Variants in LRBA observed in about 807,000 individuals in gnomAD.
LRBA encodes LPS responsive beige-like anchor protein.
A neutral mutation model predicts 330.0 loss-of-function variants in LRBA; 176 were observed. The observed-to-expected ratio is 0.53, with a 90% CI of 0.47 to 0.60. LRBA has a LOEUF of 0.60. Ranked by LOEUF, LRBA falls within the 20% of genes least tolerant of loss-of-function variation. LRBA has a pLI of 0.00. For synonymous variants in LRBA, 1,230 were observed against 1,193.0 expected (o/e 1.03, Z -0.64); for missense variants, 3,259 against 3,444.8 (o/e 0.95, Z 1.35).
intron 7 of LRBA, 130 bp downstream of exon 7, chr4:150,916,271 G>C: frequency 1.2e-6 from 1 of 837,538 alleles, no homozygotes; most frequent in South Asian, 2.0e-5. Context: ...AGTGATTTAC[G>C]CTTCATCTTT....
chr4:150,426,434 T>C (rs1295220018), intron 46 of LRBA, among the ~76,000 whole-genome samples: 1 of 151,980 alleles, frequency 6.6e-6, no homozygotes, highest in Non-Finnish European at 1.5e-5. Flanking sequence ...GAAAAAATAA[T>C]TGGGTTTAAG....
Position 150,583,008 on chromosome 4 carries a change from T to C in LRBA, c.6330+5040A>G, listed in dbSNP as rs1771595657. On this transcript the variant is annotated intron_variant, in intron 40 of 56. Transcript: ENST00000651943. The surrounding 1 kb of genome is among the most constrained non-coding windows in gnomAD (Gnocchi z 9.8). ...CAACGTATTGCGAGACGCCGGTGTA[T>C]AGCCCGGACCTGTGCCCCAACATGA... The C allele has an allele frequency of 6.4e-7, 1 of 1,558,584 alleles. No individual in the cohort carries two copies. The highest frequency in any genetic ancestry group is 8.7e-7 in the Non-Finnish European group (1 of 1,151,990).
chr4:150,541,134 T>C (rs1168145970), intron 40 of LRBA, among the ~76,000 whole-genome samples: 1 of 152,178 alleles, frequency 6.6e-6, no homozygotes, highest in African/African-American at 2.4e-5. Context: ...ATGGCTCAAA[T>C]AGTATAAAGG....
At chr4:150,401,260 T>G (rs1419205755) in intron 47 of LRBA, among the ~76,000 whole-genome samples, 2 of 152,230 alleles carry the variant, frequency 1.3e-5, no homozygotes. Context: ...TCCAGTACTG[T>G]CAGACAATAA....
intron 13 of LRBA, among the ~76,000 whole-genome samples, chr4:150,901,441 T>C (rs1730715391): frequency 6.6e-6 from 1 of 152,228 alleles, no homozygotes; most frequent in South Asian, 2.1e-4. Context: ...GTATATTTTA[T>C]AAGCTGAACA....
Position 150,846,508 on chromosome 4 carries a change from G to A in LRBA, c.4340-1729C>T, listed in dbSNP as rs553882752. 8.1e-5 allele frequency among the ~76,000 whole-genome samples: 12 copies of A among 148,550 alleles called. No homozygotes were observed. The East Asian group carries it at 1.2e-3, about 15-fold the overall frequency. ...TCTTGCCACTGCACTCCAGCCTGGC[G>A]ACAGAGTAAGGCTCCATCTCCAAAA... On this transcript the variant is annotated intron_variant, in intron 26 of 56. Transcript: ENST00000651943.
intron 47 of LRBA, among the ~76,000 whole-genome samples, chr4:150,415,036 G>T (rs574500442): frequency 1.3e-5 from 2 of 152,250 alleles, no homozygotes; most frequent in African/African-American, 4.8e-5. Flanking sequence ...TCAAATGATA[G>T]ATACAGGACA....
intron 17 of LRBA, among the ~76,000 whole-genome samples, chr4:150,887,298 T>C (rs965829932): frequency 6.6e-6 from 1 of 152,090 alleles, no homozygotes; most frequent in Non-Finnish European, 1.5e-5. Context: ...TTATTATACA[T>C]ATCAAGTTTC....
intron 36 of LRBA, among the ~76,000 whole-genome samples, chr4:150,714,159 C>T (rs1162397860): frequency 6.6e-6 from 1 of 152,148 alleles, no homozygotes; most frequent in Non-Finnish European, 1.5e-5. Context: ...TCAGTGGACT[C>T]ATCTCAATAA....
intron 22 of LRBA, among the ~76,000 whole-genome samples, chr4:150,863,892 A>G (rs980212504): frequency 6.6e-6 from 1 of 152,134 alleles, no homozygotes; most frequent in African/African-American, 2.4e-5. Flanking sequence ...TTATTTTCTA[A>G]GATAGCAGTT....
chr4:150,366,854 G>C (rs1739534749), intron 47 of LRBA, among the ~76,000 whole-genome samples: 1 of 152,184 alleles, frequency 6.6e-6, no homozygotes, highest in Admixed American at 6.5e-5. Flanking sequence ...CCTTTCTCTT[G>C]TGTGGGTGTT....
At chr4:150,509,860 G>C (rs1424258448) in intron 40 of LRBA, among the ~76,000 whole-genome samples, 3 of 152,218 alleles carry the variant, frequency 2.0e-5, no homozygotes, top group African/African-American at 7.2e-5. Context: ...AACTTGGCCA[G>C]GTCCTGTGGC....
At chr4:150,703,955 A>C (rs1393924735) in intron 36 of LRBA, among the ~76,000 whole-genome samples, 2 of 152,078 alleles carry the variant, frequency 1.3e-5, no homozygotes. Flanking sequence ...CTGTAATCCC[A>C]GCAATTGGAG....
chr4:150,954,059 T>A (rs534006697), intron 2 of LRBA, among the ~76,000 whole-genome samples: 1 of 149,564 alleles, frequency 6.7e-6, no homozygotes, highest in East Asian at 2.0e-4. Context: ...CCACCCCGTC[T>A]GGGAAGTGAG....
chr4:150,539,563 A>T (rs1765091768), intron 40 of LRBA, among the ~76,000 whole-genome samples: 1 of 152,224 alleles, frequency 6.6e-6, no homozygotes, highest in African/African-American at 2.4e-5. Flanking sequence ...AGTCTTATAA[A>T]GTCGAAAGGA....
At chr4:150,491,794 G>A (rs973251830) in intron 40 of LRBA, among the ~76,000 whole-genome samples, 3 of 152,166 alleles carry the variant, frequency 2.0e-5, no homozygotes, top group South Asian at 4.1e-4. Context: ...TTCAAGTTTT[G>A]TTTTTCAAAA....
intron 37 of LRBA, among the ~76,000 whole-genome samples, chr4:150,654,454 G>A (rs899757144): frequency 1.5e-4 from 23 of 152,190 alleles, no homozygotes; most frequent in Admixed American, 4.6e-4. Context: ...CTCCCAAAGT[G>A]CTGGGATTGC....
At chr4:150,961,429 G>A (rs1255313190) in intron 2 of LRBA, among the ~76,000 whole-genome samples, 1 of 148,976 alleles carries the variant, frequency 6.7e-6, no homozygotes, top group Non-Finnish European at 1.5e-5. Flanking sequence ...TTAAAGCTAA[G>A]ACAGAAGAAA....
chr4:150,557,815 C>T (rs1767527720), intron 40 of LRBA, among the ~76,000 whole-genome samples: 1 of 152,136 alleles, frequency 6.6e-6, no homozygotes, highest in Admixed American at 6.6e-5. Context: ...GCCTTAATTA[C>T]CTGGTTGAAG....
Sources: allele counts gnomAD v4.1 joint callset (sites outside exome capture counted in the v4.1 genomes callset), GRCh38; gene constraint gnomAD v4.1.1; non-coding constraint Gnocchi (gnomAD v3.1); transcripts MANE v1.5; gene names NCBI Gene and HGNC (gene_info 2026-07-23, HGNC 2026-07-21).